The following NPIPB2 variants were observed in gnomAD, a reference collection of about 807,000 sequenced individuals.
NPIPB2 encodes the protein nuclear pore complex-interacting protein family member B2.
Under a neutral mutation model 30.8 loss-of-function variants are expected in NPIPB2, and 27 were observed. The ratio of observed to expected loss-of-function variants is 0.88; its 90% CI spans 0.65 to 1.21. The LOEUF (loss-of-function observed/expected upper bound fraction) is 1.21, where lower values mean the gene tolerates loss of function less well. Among genes scored for constraint, NPIPB2 ranks in the 50% most tolerant of loss-of-function variants. The probability of loss-of-function intolerance (pLI) is 0.00; values close to 1 mark genes in which losing one functional copy is unlikely to be tolerated. For missense variants in NPIPB2, 440 were observed against 446.2 expected, an observed-to-expected ratio of 0.99 and a Z score of 0.13; for synonymous variants, 147 against 162.0, an observed-to-expected ratio of 0.91 and a Z score of 0.70.
intron 1 of NPIPB2, among the ~76,000 whole-genome samples, chr16:11,958,367 G>C (rs1041543058): frequency 6.6e-6 from 1 of 151,566 alleles, no homozygotes; most frequent in Non-Finnish European, 1.5e-5. Context: ...GGCGGAGGTT[G>C]CAGTGAGCCC....
chr16:11,938,835 G>T (rs1028015189), intron 1 of NPIPB2, among the ~76,000 whole-genome samples: 6 of 151,976 alleles, frequency 3.9e-5, no homozygotes, highest in Non-Finnish European at 8.8e-5. Context: ...TGCAACCTCC[G>T]CCTCCCGGGT....
chr16:11,940,653 A>T (rs1205679224), intron 1 of NPIPB2, among the ~76,000 whole-genome samples: 1 of 143,780 alleles, frequency 7.0e-6, no homozygotes, highest in Non-Finnish European at 1.5e-5. Context: ...TGAGCTATTC[A>T]GGAGGCTGAG....
At chr16:11,941,191 A>C in intron 1 of NPIPB2, 2 of 1,521,276 alleles carry the variant, frequency 1.3e-6, no homozygotes, top group Non-Finnish European at 1.8e-6. Context: ...ATGGCTGATA[A>C]ATTCCAGCAG....
At chr16:11,972,200 G>T (rs1161976056) in intron 1 of NPIPB2, among the ~76,000 whole-genome samples, 3 of 152,162 alleles carry the variant, frequency 2.0e-5, no homozygotes, top group Non-Finnish European at 4.4e-5. Flanking sequence ...ATAAGGGATT[G>T]TGGAGACCGT....
intron 1 of NPIPB2, among the ~76,000 whole-genome samples, chr16:11,938,400 G>A (rs545405553): frequency 1.1e-4 from 17 of 151,672 alleles, no homozygotes; most frequent in African/African-American, 2.4e-4. Flanking sequence ...GTGTGCTCTC[G>A]GCTCACTGCA....
At chr16:11,964,466 C>A (rs1303613436) in intron 1 of NPIPB2, among the ~76,000 whole-genome samples, 1 of 151,442 alleles carries the variant, frequency 6.6e-6, no homozygotes, top group African/African-American at 2.4e-5. Context: ...CAGGCTGGAG[C>A]GCAGTGGCCT....
At chr16:11,951,455 T>G in intron 1 of NPIPB2, among the ~76,000 whole-genome samples, 1 of 74,580 alleles carries the variant, frequency 1.3e-5, no homozygotes, top group Non-Finnish European at 2.6e-5. Context: ...CAGACAAGAC[T>G]GTCTCAAAAA....
intron 1 of NPIPB2, among the ~76,000 whole-genome samples, chr16:11,960,775 G>A (rs1279248763): frequency 3.3e-5 from 5 of 151,912 alleles, no homozygotes; most frequent in African/African-American, 4.8e-5. Flanking sequence ...TTAGTGCATC[G>A]CCCCTGATCT....
chr16:11,942,168 T>C (rs1234377104), upstream of NPIPB2: 3 of 1,367,906 alleles, frequency 2.2e-6, no homozygotes, highest in East Asian at 7.5e-5. Context: ...CATGGTACAT[T>C]TACAAAAATT....
chr16:11,949,311 A>T (rs2055042782), intron 1 of NPIPB2, among the ~76,000 whole-genome samples: 1 of 152,192 alleles, frequency 6.6e-6, no homozygotes, highest in African/African-American at 2.4e-5. Flanking sequence ...CAAAATAGGT[A>T]TCATCATCTC....
intron 1 of NPIPB2, among the ~76,000 whole-genome samples, chr16:11,973,443 G>A (rs1454263695): frequency 6.6e-6 from 1 of 152,186 alleles, no homozygotes; most frequent in Admixed American, 6.6e-5. Flanking sequence ...GAAAGTTGCT[G>A]AAAAATCAGC....
chr16:11,962,629 A>C (rs1212794301), intron 1 of NPIPB2, among the ~76,000 whole-genome samples: 4 of 144,526 alleles, frequency 2.8e-5, no homozygotes, highest in Non-Finnish European at 6.1e-5. Flanking sequence ...AAAAAAAAAA[A>C]CCAAAAAAAA....
At chr16:11,960,138 T>C (rs2055142951) in intron 1 of NPIPB2, among the ~76,000 whole-genome samples, 1 of 152,116 alleles carries the variant, frequency 6.6e-6, no homozygotes, top group Non-Finnish European at 1.5e-5. Flanking sequence ...TCTCATTCTT[T>C]CTGATGGCCA....
chr16:11,966,320 A>C, intron 1 of NPIPB2: 2 of 1,612,962 alleles, frequency 1.2e-6, no homozygotes, highest in South Asian at 2.2e-5. Flanking sequence ...TGAACCATTA[A>C]AGGACGAGTT....
At chr16:11,939,288 G>A (rs1464658720) in intron 1 of NPIPB2, among the ~76,000 whole-genome samples, 3 of 151,820 alleles carry the variant, frequency 2.0e-5, no homozygotes, top group East Asian at 1.9e-4. Context: ...TGGGCCGGGC[G>A]TGGTGGCTCA....
chr16:11,965,341 G>T, intron 1 of NPIPB2: 1 of 1,614,090 alleles, frequency 6.2e-7, no homozygotes, highest in Non-Finnish European at 8.5e-7. Context: ...CAGATGGCTG[G>T]GCAGTGCTCC....
chr16:11,955,353 C>CAA (rs34066078), intron 1 of NPIPB2, among the ~76,000 whole-genome samples: 4,700 of 44,422 alleles, frequency 0.11, 323 homozygotes, highest in Admixed American at 0.2. Context: ...AACTCTGTGT[C>CAA]AAAAAAAAAA....
At chr16:11,934,258 A>ACAC (rs71139504) in intron 2 of NPIPB2, among the ~76,000 whole-genome samples, 1 of 140,466 alleles carries the variant, frequency 7.1e-6, no homozygotes, top group South Asian at 2.3e-4. Context: ...ACACACACAC[A>ACAC]TAAGAATGAC....
chr16:11,973,428 C>G (rs1439231868), intron 1 of NPIPB2, among the ~76,000 whole-genome samples: 2 of 152,036 alleles, frequency 1.3e-5, no homozygotes, highest in East Asian at 3.9e-4. Context: ...TCCTCTTAGT[C>G]CTTTGAAAGT....
Sources: allele counts gnomAD v4.1 joint callset (sites outside exome capture counted in the v4.1 genomes callset), GRCh38; gene constraint gnomAD v4.1.1; transcripts MANE v1.5; gene names NCBI Gene and HGNC (gene_info 2026-07-23, HGNC 2026-07-21).